Variants in RSPO1 observed in about 807,000 individuals in gnomAD.
RSPO1 encodes the protein R-spondin-1.
RSPO1 carries 18 observed loss-of-function variants against 26.0 expected under a neutral mutation model. That is an observed-to-expected ratio of 0.69 (90% CI 0.48 to 1.03). The LOEUF (loss-of-function observed/expected upper bound fraction) is 1.03. Among genes scored for constraint, RSPO1 ranks in the 50% least tolerant of loss-of-function variants. RSPO1 has a pLI of 0.00. For missense variants in RSPO1, 309 were observed against 352.3 expected (o/e 0.88, Z 0.98); for synonymous variants, 133 against 137.4 (o/e 0.97, Z 0.22).
At chr1:37,622,180 A>G (rs892158726) in intron 3 of RSPO1, among the ~76,000 whole-genome samples, 2 of 152,196 alleles carry the variant, frequency 1.3e-5, no homozygotes, top group Non-Finnish European at 2.9e-5. Context: ...AGAGAAGAGT[A>G]CACTCAGAAG....
rs959562147 is a variant in RSPO1, at chr1:37,613,784, G to A, written c.545C>T (p.Ala182Val). The A allele has an allele frequency of 2.5e-6, 4 of 1,613,842 alleles. No homozygotes were observed. The African/African-American group carries it at 5.3e-5, about 22-fold the overall frequency. Residue 182 changes from alanine (A) to valine (V), a missense_variant, in exon 6 of 7, where the codon GCC becomes GTC. Transcript: ENST00000356545. This position sits in a 1 kb window ranked among gnomAD's most constrained non-coding sequence, Gnocchi z 4.5. ...SEERTRRVLH[A>V]PVGDHAACSD... is the part of the protein sequence containing the mutation. ...GCAGGCAGCATGGTCCCCCACAGGG[G>A]CATGTAGCACCCTGCGTGTCCGCTC...
intron 4 of RSPO1, among the ~76,000 whole-genome samples, chr1:37,615,750 G>T (rs929791931): frequency 6.6e-6 from 1 of 152,220 alleles, no homozygotes; most frequent in Non-Finnish European, 1.5e-5. Flanking sequence ...ATGGAGATAT[G>T]GTAGCGTGTG....
chr1:37,616,179 G>T (rs936286413), intron 4 of RSPO1, among the ~76,000 whole-genome samples: 2 of 152,142 alleles, frequency 1.3e-5, no homozygotes, highest in Non-Finnish European at 2.9e-5. Context: ...TGACAGGCAG[G>T]CTTTGGTGAT....
chr1:37,634,023 C>T lies in RSPO1; in HGVS notation c.-356+543G>A, dbSNP rs2148190726. 6.6e-6 allele frequency among the ~76,000 whole-genome samples: 1 copy of T among 152,314 alleles called. No individual in the cohort carries two copies. Among genetic ancestry groups the T allele is most frequent in the Middle Eastern group, 3.4e-3 (1 of 294 alleles). ...GGGAGTCCCGGGCGAACATAGCCCC[C>T]ACCTCTCCCCAACTAAGCGATACCA... On this transcript the variant is annotated intron_variant, in intron 1 of 6. Transcript: ENST00000356545. This position sits in a 1 kb window ranked among gnomAD's most constrained non-coding sequence, Gnocchi z 4.7.
chr1:37,629,529 C>T, intron 3 of RSPO1, 39 bp downstream of exon 3: 1 of 1,597,626 alleles, frequency 6.3e-7, no homozygotes, highest in Non-Finnish European at 8.6e-7. Context: ...CCCTCCCATT[C>T]CCAAGGCCAG....
In RSPO1 at chr1:37,614,326, C is replaced by G. The variant is rs775312354; in HGVS notation, c.294G>C (p.Lys98Asn). The part of the protein sequence containing the change: ...NPDMNKCIKC[K>N]IEHCEACFSH... ...TGAAGCAGGCCTCACAGTGCTCGAT[C>G]TTGCATTCTGAGGAGAGGACAGATT... is the stretch of plus-strand genomic sequence containing the variant. Residue 98 changes from lysine to asparagine, a missense_variant, in exon 5 of 7, where the codon AAG (lysine) becomes AAC (asparagine). Lys to Asn is a moderately conservative substitution (Grantham distance 94). Coordinates refer to ENST00000356545, the MANE Select transcript of RSPO1 (RefSeq NM_001242908.2). The G allele has an allele frequency of 6.8e-6, 11 of 1,613,592 alleles. No individual in the cohort carries two copies. In the Admixed American group the frequency reaches 1.5e-4, roughly 22 times the overall value.
intron 3 of RSPO1, among the ~76,000 whole-genome samples, chr1:37,624,862 T>C (rs939560038): frequency 6.6e-6 from 1 of 152,192 alleles, no homozygotes; most frequent in Non-Finnish European, 1.5e-5. Flanking sequence ...GCCCATCCCA[T>C]CCACCTTACC....
In RSPO1 at chr1:37,612,702, C is replaced by T. The variant is rs958594550; in HGVS notation, c.*53G>A. 27 of 1,580,748 alleles carry T rather than the reference C, an allele frequency of 1.7e-5. No individual in the cohort carries two copies. The highest frequency in any genetic ancestry group is 3.3e-4 in the Middle Eastern group (2 of 6,030). On this transcript the variant is annotated 3_prime_UTR_variant, in exon 7 of 7. Transcript: ENST00000356545. ...TTCCAGTTCAGGAAAGCTTGAATCA[C>T]GCAGAGTAGCACTGAACTCTTTCTG...
intron 3 of RSPO1, among the ~76,000 whole-genome samples, chr1:37,626,225 G>C (rs1473332863): frequency 6.6e-6 from 1 of 152,002 alleles, no homozygotes; most frequent in Non-Finnish European, 1.5e-5. Context: ...TCTTCTCCCC[G>C]GACCCTCCCC....
Position 37,634,827 on chromosome 1 carries a change from T to TAA in RSPO1, c.-618_-617insTT, listed in dbSNP as rs1644415699. On this transcript the variant is annotated 5_prime_UTR_variant, in exon 1 of 7. Coordinates refer to ENST00000356545, the MANE Select transcript of RSPO1 (RefSeq NM_001242908.2). The surrounding 1 kb of genome is among the most constrained non-coding windows in gnomAD (Gnocchi z 4.7). Reference sequence around the variant, plus strand: ...CCTACTCTGGCCGGTCGCTCCGGGCTCTCTGCCCTGCGCTGGTGCTCTCCG... The same window carrying TAA: ...CCTACTCTGGCCGGTCGCTCCGGGCTAACTCTGCCCTGCGCTGGTGCTCTCCG... The TAA allele has an allele frequency of 2.0e-5, 3 of 152,310 alleles. No homozygotes were observed. Among genetic ancestry groups the TAA allele is most frequent in the Non-Finnish European group, 4.4e-5 (3 of 68,042 alleles). The allele number at this position is 152,310 out of a possible 1,614,324, so 9.4% of individuals were successfully genotyped here. A position where few individuals can be genotyped will look rare whatever the true frequency, so the allele number is the denominator to read the frequency against.
intron 1 of RSPO1, 42 bp from the exon 2 acceptor site, chr1:37,632,395 A>C (rs1441715947): frequency 6.6e-6 from 1 of 152,250 alleles, no homozygotes; most frequent in Non-Finnish European, 1.5e-5. Flanking sequence ...ATTTCACTGA[A>C]GCAAGTGACA....
chr1:37,616,744 G>A (rs1043558445), intron 3 of RSPO1, 69 bp from the exon 4 acceptor site: 4 of 1,360,356 alleles, frequency 2.9e-6, no homozygotes, highest in Non-Finnish European at 3.2e-6. Context: ...TTCTGACAAG[G>A]ATGGGAAGTG....
chr1:37,617,661 CAAA>C (rs34856591), intron 3 of RSPO1, among the ~76,000 whole-genome samples: 4 of 36,372 alleles, frequency 1.1e-4, no homozygotes, highest in African/African-American at 4.6e-4. Flanking sequence ...GACTCCATCT[CAAA>C]AAAAAAAAAA....
At chr1:37,617,381 G>A (rs756568496) in intron 3 of RSPO1, among the ~76,000 whole-genome samples, 12 of 152,092 alleles carry the variant, frequency 7.9e-5, no homozygotes, top group Non-Finnish European at 1.5e-4. Flanking sequence ...CTTTGAAGTC[G>A]GGCGCGGTGA....
At chr1:37,624,676 T>C (rs1557436492) in intron 3 of RSPO1, among the ~76,000 whole-genome samples, 1 of 152,230 alleles carries the variant, frequency 6.6e-6, no homozygotes, top group Admixed American at 6.5e-5. Context: ...TCTGGATCGC[T>C]GCCCCTCCCC....
At chr1:37,616,434 G>A (rs755577668) in intron 4 of RSPO1, 50 bp downstream of exon 4, 13 of 1,575,848 alleles carry the variant, frequency 8.2e-6, no homozygotes, top group Middle Eastern at 2.0e-4. Flanking sequence ...CTCTCCCCCA[G>A]TCCAGAGCTT....
chr1:37,612,712 C>T lies in RSPO1; in HGVS notation c.*43G>A, dbSNP rs746502792. On this transcript the variant is annotated 3_prime_UTR_variant, in exon 7 of 7. Transcript: ENST00000356545. ...GGAAAGCTTGAATCACGCAGAGTAG[C>T]ACTGAACTCTTTCTGCATGGGCCTG... 6 of 1,596,092 alleles carry T rather than the reference C, an allele frequency of 3.8e-6. No individual in the cohort carries two copies. In the East Asian group the frequency reaches 1.3e-4, roughly 36 times the overall value.
Position 37,616,584 on chromosome 1 carries a change from G to C in RSPO1, c.186C>G (p.Ile62Met). The C allele has an allele frequency of 6.2e-7, 1 of 1,614,190 alleles. No individual in the cohort carries two copies. Among genetic ancestry groups the C allele is most frequent in the South Asian group, 1.1e-5 (1 of 91,088 alleles). ...GCLKCSPKLFILLERNDIRQV... is the reference protein window; with the variant it reads ...GCLKCSPKLFMLLERNDIRQV... ...GGCGGATGTCGTTCCTCTCCAGCAG[G>C]ATGAACAGCTTGGGTGAGCACTTGA... The change falls in exon 4 of 7, where the codon ATC becomes ATG. Residue 62 changes from isoleucine to methionine, a missense_variant. By Grantham distance (10) the Ile-to-Met change is conservative. Transcript: ENST00000356545.
chr1:37,626,754 T>C (rs766362565), intron 3 of RSPO1, among the ~76,000 whole-genome samples: 1 of 152,004 alleles, frequency 6.6e-6, no homozygotes, highest in South Asian at 2.1e-4. Context: ...GAAGGAATGA[T>C]GGCTTCCTGG....
Sources: allele counts gnomAD v4.1 joint callset (sites outside exome capture counted in the v4.1 genomes callset), GRCh38; gene constraint gnomAD v4.1.1; non-coding constraint Gnocchi (gnomAD v3.1); transcripts MANE v1.5; gene names NCBI Gene and HGNC (gene_info 2026-07-23, HGNC 2026-07-21).